The following PPRC1 variants were observed in gnomAD, a reference collection of about 807,000 sequenced individuals.
The protein encoded by PPRC1 is PPARG related coactivator 1.
A neutral mutation model predicts 132.5 loss-of-function variants in PPRC1; 23 were observed. That is an observed-to-expected ratio of 0.17 (90% CI 0.12 to 0.25). The LOEUF (loss-of-function observed/expected upper bound fraction) is 0.25, where lower values mean the gene tolerates loss of function less well. Ranked by LOEUF, PPRC1 falls within the 10% of genes least tolerant of loss-of-function variation. The pLI is 1.00. For missense variants in PPRC1, 2,006 were observed against 2,089.1 expected (o/e 0.96, Z 0.78); for synonymous variants, 872 against 833.5 (o/e 1.05, Z -0.80).
chr10:102,128,287 G>A (rs766967555), upstream of PPRC1, among the ~76,000 whole-genome samples: 13 of 151,724 alleles, frequency 8.6e-5, no homozygotes, highest in Non-Finnish European at 1.8e-4. Context: ...TTACAGGCAC[G>A]TGCCACCACG....
At chr10:102,147,494 C>T (rs752466396) in intron 9 of PPRC1, 102 bp downstream of exon 9, 150 of 1,391,984 alleles carry the variant, frequency 1.1e-4, no homozygotes, top group South Asian at 6.2e-4. Flanking sequence ...TACTTTCAGG[C>T]GCTAAGGCTT....
In PPRC1 at chr10:102,141,581, C is replaced by G. The variant is rs1195177061; in HGVS notation, c.3073C>G (p.Pro1025Ala). ...KMESRGTPAG[P>A]PENVLPLSMA... ...GGAGTCTAGGGGCACTCCAGCTGGC[C>G]CTCCTGAAAATGTACTTCCCTTGTC... The change falls in exon 5 of 14, where the codon CCT becomes GCT. Residue 1025 changes from proline (P) to alanine (A), a missense_variant. Coordinates refer to ENST00000278070, the MANE Select transcript of PPRC1 (RefSeq NM_015062.5). 6.2e-7 allele frequency: 1 copy of G among 1,614,020 alleles called. No homozygotes were observed.
the PPRC1 span, among the ~76,000 whole-genome samples, chr10:102,124,477 C>T: frequency 6.6e-6 from 1 of 152,052 alleles, no homozygotes; most frequent in East Asian, 1.9e-4. Context: ...GATTCTCTTG[C>T]CTCAGCCTCC....
intron 1 of PPRC1, 25 bp downstream of exon 1, chr10:102,133,246 G>A (rs765593980): frequency 4.7e-6 from 6 of 1,270,588 alleles, no homozygotes; most frequent in South Asian, 7.5e-5. Context: ...GGCGGCCCGC[G>A]ACAGGCAGCA....
rs746284584 is a variant in PPRC1, at chr10:102,140,828, C to T, written c.2320C>T (p.Pro774Ser). Residue 774 changes from proline (P) to serine (S), a missense_variant, in exon 5 of 14, where the codon CCC becomes TCC. Physicochemically the swap from Pro to Ser is moderately conservative, Grantham distance 74 (BLOSUM62 -1). Transcript: ENST00000278070. ...QAETEERSPQPPTGKWPSLPE... is the reference protein window; with the variant it reads ...QAETEERSPQSPTGKWPSLPE... The stretch of plus-strand genomic sequence containing the variant: ...AGAAACAGAAGAGAGAAGTCCACAG[C>T]CCCCAACTGGGAAGTGGCCTAGCCT... 1 of 1,613,986 alleles carries T rather than the reference C, an allele frequency of 6.2e-7. No individual in the cohort carries two copies. Among genetic ancestry groups the T allele is most frequent in the Non-Finnish European group, 8.5e-7 (1 of 1,180,018 alleles).
At chr10:102,124,788 A>T in the PPRC1 span, among the ~76,000 whole-genome samples, 1 of 149,586 alleles carries the variant, frequency 6.7e-6, no homozygotes, top group Non-Finnish European at 1.5e-5. Context: ...GACTATAGGT[A>T]CACACCACTG....
At chr10:102,128,564 C>CAT (rs2133561763), upstream of PPRC1, among the ~76,000 whole-genome samples, 1 of 150,856 alleles carries the variant, frequency 6.6e-6, no homozygotes, top group East Asian at 2.0e-4. Flanking sequence ...GCAAGAGAGA[C>CAT]AGAGAGAGAC....
chr10:102,141,221 T>A lies in PPRC1; in HGVS notation c.2713T>A (p.Ser905Thr), dbSNP rs772102072. Reference sequence around the variant, plus strand: ...CTTGCAGCCTCCTAGTCTTCCATTGTCTATGGGGCCAGTACTACCTGATCC... The same window carrying A: ...CTTGCAGCCTCCTAGTCTTCCATTGACTATGGGGCCAGTACTACCTGATCC... Reference protein sequence around the residue: ...PPLQPPSLPLSMGPVLPDPFT... With the variant: ...PPLQPPSLPLTMGPVLPDPFT... The change falls in exon 5 of 14, where the codon TCT becomes ACT. Residue 905 changes from serine to threonine, a missense_variant. Physicochemically the swap from Ser to Thr is moderately conservative, Grantham distance 58 (BLOSUM62 1). This residue lies in a region of PPRC1 where 1,914 missense variants were observed against 1,917.2 expected (regional missense o/e 1.00). Transcript: ENST00000278070. 1 of 1,613,896 alleles carries A rather than the reference T, an allele frequency of 6.2e-7. No individual in the cohort carries two copies. The highest frequency in any genetic ancestry group is 8.5e-7 in the Non-Finnish European group (1 of 1,179,926).
chr10:102,120,399 G>A, the PPRC1 span: 31 of 984,034 alleles, frequency 3.2e-5, no homozygotes, highest in Non-Finnish European at 3.7e-5. Context: ...GCGTGTGCGT[G>A]TGCGTGTCTG....
At chr10:102,133,683 C>T (rs2068610069) in intron 1 of PPRC1, among the ~76,000 whole-genome samples, 1 of 151,496 alleles carries the variant, frequency 6.6e-6, no homozygotes, top group African/African-American at 2.4e-5. Context: ...GCGCAGGCAG[C>T]GGGTCCACGT....
chr10:102,138,174 A>AT, intron 2 of PPRC1, 136 bp downstream of exon 2: 1 of 909,400 alleles, frequency 1.1e-6, no homozygotes, highest in East Asian at 2.7e-5. Context: ...CTTGAAGTGT[A>AT]TTTTTTGTCT....
At chr10:102,144,429 C>T in intron 7 of PPRC1, 122 bp downstream of exon 7, 1 of 913,072 alleles carries the variant, frequency 1.1e-6, no homozygotes. Context: ...AGAGTCTTTC[C>T]CTGTTTCCCC....
rs767158560 is a variant in PPRC1, at chr10:102,145,106, G to A, written c.3679+16G>A. The A allele has an allele frequency of 1.2e-6, 2 of 1,604,706 alleles. No individual in the cohort carries two copies. The highest frequency in any genetic ancestry group is 1.7e-4 in the Middle Eastern group (1 of 6,040). On this transcript the variant is annotated intron_variant, in intron 8 of 13. Coordinates refer to ENST00000278070, the MANE Select transcript of PPRC1 (RefSeq NM_015062.5). The stretch of plus-strand genomic sequence containing the variant: ...AACGTGGCAGGTGGGTTCAGGGTGG[G>A]GAATTCTGCCTGTGATTAGTCTATG...
chr10:102,147,279 T>C lies in PPRC1; in HGVS notation c.4287T>C (p.Ser1429=). 1.2e-6 allele frequency: 2 copies of C among 1,613,058 alleles called. No homozygotes were observed. The highest frequency in any genetic ancestry group is 1.7e-6 in the Non-Finnish European group (2 of 1,180,032). Residue 1429 remains serine, a synonymous_variant, in exon 9 of 14, where the codon TCT becomes TCC. Transcript: ENST00000278070. ...WQGRRGRNSR[S]VSSGSNRTSE... is the part of the protein sequence containing the mutation. ...GCCGCCGAGGCCGCAACAGCCGTTCTGTCAGCTCTGGGTCCAACCGGACTA... is the reference window on the plus strand; with the variant it reads ...GCCGCCGAGGCCGCAACAGCCGTTCCGTCAGCTCTGGGTCCAACCGGACTA...
chr10:102,121,030 A>G, the PPRC1 span, among the ~76,000 whole-genome samples: 3 of 152,100 alleles, frequency 2.0e-5, no homozygotes, highest in Admixed American at 2.0e-4. Context: ...CCTTCCCTAA[A>G]TTAACCACTC....
intron 1 of PPRC1, among the ~76,000 whole-genome samples, chr10:102,135,263 A>C (rs914022003): frequency 4.6e-5 from 7 of 152,232 alleles, no homozygotes; most frequent in Admixed American, 1.3e-4. Flanking sequence ...GGAAGAGAGC[A>C]TGGCTTATTG....
chr10:102,146,979 C>T lies in PPRC1; in HGVS notation c.3987C>T (p.Ile1329=). The T allele has an allele frequency of 6.2e-7, 1 of 1,614,138 alleles. No individual in the cohort carries two copies. The highest frequency in any genetic ancestry group is 8.5e-7 in the Non-Finnish European group (1 of 1,180,012). The part of the protein sequence containing the change: ...SRWNVKRHQD[I]TIKPVLSLGP... Reference sequence around the variant, plus strand: ...GGAATGTCAAGCGCCATCAGGACATCACCATCAAACCTGTCTTGTCCTTGG... The same window carrying T: ...GGAATGTCAAGCGCCATCAGGACATTACCATCAAACCTGTCTTGTCCTTGG... Residue 1329 remains isoleucine, a synonymous_variant, in exon 9 of 14, where the codon ATC becomes ATT. Transcript: ENST00000278070.
upstream of PPRC1, chr10:102,132,937 T>C (rs2068572430): frequency 8.3e-7 from 1 of 1,198,274 alleles, no homozygotes; most frequent in Non-Finnish European, 1.0e-6. Context: ...AGGGTGCAAG[T>C]GGGTCTCGCC....
chr10:102,137,203 G>C (rs1423425144), intron 1 of PPRC1, among the ~76,000 whole-genome samples: 2 of 152,182 alleles, frequency 1.3e-5, no homozygotes, highest in South Asian at 4.1e-4. Context: ...GCTGGGCGTG[G>C]TGGTGGGCGC....
Sources: gnomAD v4.1 joint callset for allele counts (sites outside exome capture counted in the v4.1 genomes callset) on GRCh38, gnomAD v4.1.1 for gene constraint, gnomAD v4.1.1 regional missense constraint, MANE v1.5 for transcripts, NCBI Gene and HGNC (gene_info 2026-07-23, HGNC 2026-07-21) for gene names.